The following ZNF429 variants were observed in gnomAD, a reference collection of about 807,000 sequenced individuals.
ZNF429 encodes the protein zinc finger protein 429.
ZNF429 carries 53 observed loss-of-function variants against 56.8 expected under a neutral mutation model. The observed-to-expected ratio is 0.93, with a 90% confidence interval of 0.75 to 1.17. The LOEUF (loss-of-function observed/expected upper bound fraction) is 1.17. ZNF429 is among the 50% of genes most tolerant of loss of function. The probability of loss-of-function intolerance (pLI) is 0.00; values close to 1 mark genes in which losing one functional copy is unlikely to be tolerated. For synonymous variants in ZNF429, 278 were observed against 264.7 expected (o/e 1.05, Z -0.49); for missense variants, 849 against 788.4 (o/e 1.08, Z -0.92).
In ZNF429 at chr19:21,537,573, A is replaced by G. The variant is rs1440001237; in HGVS notation, c.1520A>G (p.Lys507Arg). The part of the protein sequence containing the change: ...NSHKKIHSGE[K>R]PYKCEECGKA... The stretch of plus-strand genomic sequence containing the variant: ...CATAAAAAAATTCATAGTGGAGAGA[A>G]ACCCTACAAATGTGAAGAATGTGGC... The change falls in exon 4 of 4, where the codon AAA becomes AGA. Residue 507 changes from lysine to arginine, a missense_variant. By Grantham distance (26) the Lys-to-Arg change is conservative. Transcript: ENST00000358491. The G allele has an allele frequency of 1.2e-6, 2 of 1,613,646 alleles. No individual in the cohort carries two copies. The highest frequency in any genetic ancestry group is 3.3e-5 in the Admixed American group (2 of 60,000).
At chr19:21,526,041 G>A (rs1190483864) in intron 1 of ZNF429, among the ~76,000 whole-genome samples, 6 of 27,298 alleles carry the variant, frequency 2.2e-4, no homozygotes. Flanking sequence ...ATTAGTACCT[G>A]TGCATATGCT....
intron 1 of ZNF429, among the ~76,000 whole-genome samples, chr19:21,525,416 CATAGAGAACAGA>C (rs989455982): frequency 2.0e-5 from 3 of 152,184 alleles, no homozygotes; most frequent in Non-Finnish European, 4.4e-5. Flanking sequence ...CCCCCACTGG[CATAGAGAACAGA>C]ATTCTACACA....
At chr19:21,530,728 CA>C in intron 3 of ZNF429, 44 bp downstream of exon 3, 1 of 1,397,600 alleles carries the variant, frequency 7.2e-7, no homozygotes, top group Non-Finnish European at 9.9e-7. Flanking sequence ...TGAGAGGTCC[CA>C]AGGCCAATAA....
In ZNF429 at chr19:21,531,420, A is replaced by G; in HGVS notation, c.226+736A>G. 3.3e-5 allele frequency among the ~76,000 whole-genome samples: 5 copies of G among 152,320 alleles called. 1 individual carries two copies. In the South Asian group the frequency reaches 1.0e-3, roughly 32 times the overall value. On this transcript the variant is annotated intron_variant, in intron 3 of 3. Coordinates refer to ENST00000358491, the MANE Select transcript of ZNF429 (RefSeq NM_001001415.4). ...GAGGTGTCTGCTTCTTCACATTCAC[A>G]GACACCAATGCAAAACTGTATTGTA...
At chr19:21,510,107 C>T (rs2032379176) in intron 1 of ZNF429, among the ~76,000 whole-genome samples, 1 of 152,010 alleles carries the variant, frequency 6.6e-6, no homozygotes, top group East Asian at 1.9e-4. Flanking sequence ...CGGGGTTTCA[C>T]CATGTTGGCC....
chr19:21,537,456 T>G lies in ZNF429; in HGVS notation c.1403T>G (p.Leu468Arg), dbSNP rs2033744627. ...CGKAFNRSSH[L>R]TSHRRIHTGE... ...AAAGCTTTTAACCGGTCCTCACACC[T>G]TACTAGCCATAGGAGAATTCATACT... is the stretch of plus-strand genomic sequence containing the variant. The change falls in exon 4 of 4, where the codon CTT (leucine) becomes CGT (arginine). Residue 468 changes from leucine to arginine, a missense_variant. Physicochemically the swap from Leu to Arg is moderately radical, Grantham distance 102. Transcript: ENST00000358491. The G allele has an allele frequency of 2.5e-6, 4 of 1,613,752 alleles. No homozygotes were observed. The highest frequency in any genetic ancestry group is 8.5e-7 in the Non-Finnish European group (1 of 1,179,908).
intron 2 of ZNF429, among the ~76,000 whole-genome samples, chr19:21,530,206 A>AT: frequency 8.6e-5 from 13 of 151,956 alleles, no homozygotes; most frequent in African/African-American, 3.1e-4. Context: ...AAAAAAAAAA[A>AT]AAGTTTGGGG....
rs1228783579 is a variant in ZNF429, at chr19:21,540,592, G to T, written c.*2514G>T. ...TTATTTTAAAGTGTACAATTAAATT[G>T]CTATTGACTGCATGGTTATCTTTGT... On this transcript the variant is annotated 3_prime_UTR_variant, in exon 4 of 4. Coordinates refer to ENST00000358491, the MANE Select transcript of ZNF429 (RefSeq NM_001001415.4). 2.6e-5 allele frequency among the ~76,000 whole-genome samples: 4 copies of T among 151,900 alleles called. No individual in the cohort carries two copies. In the East Asian group the frequency reaches 7.7e-4, roughly 29 times the overall value.
At position 21,539,583 on chromosome 19, in the gene ZNF429, G is replaced by A. The variant is rs2033849708; in HGVS notation, c.*1505G>A. 1.4e-5 allele frequency among the ~76,000 whole-genome samples: 2 copies of A among 141,970 alleles called. No homozygotes were observed. Among genetic ancestry groups the A allele is most frequent in the Non-Finnish European group, 3.1e-5 (2 of 65,264 alleles). The allele number at this position is 141,970 out of a possible 152,430, so 93.1% of individuals were successfully genotyped here. A position where few individuals can be genotyped will look rare whatever the true frequency, so the allele number is the denominator to read the frequency against. On this transcript the variant is annotated 3_prime_UTR_variant, in exon 4 of 4. Transcript: ENST00000358491. ...AATACAGGCATACACCAGCATGTCTGGCTATTTTTTTTTTTTTTTGTATTT... is the reference window on the plus strand; with the variant it reads ...AATACAGGCATACACCAGCATGTCTAGCTATTTTTTTTTTTTTTTGTATTT...
In ZNF429 at chr19:21,505,778, A is replaced by G. The variant is rs201745214; in HGVS notation, c.3+4A>G. On this transcript the variant is annotated splice_donor_region_variant and intron_variant, in intron 1 of 3. Transcript: ENST00000358491. The stretch of plus-strand genomic sequence containing the variant: ...ACCCCCTGGAAGCCTAGAAATGGTG[A>G]GAGTGCCGAGTCTGACATCCCCAGA... 1.9e-6 allele frequency: 3 copies of G among 1,611,188 alleles called. No individual in the cohort carries two copies. Among genetic ancestry groups the G allele is most frequent in the Non-Finnish European group, 2.5e-6 (3 of 1,178,230 alleles).
rs535932722 is a variant in ZNF429 at position 21,537,530 on chromosome 19, T to G, written c.1477T>G (p.Ser493Ala). The G allele has an allele frequency of 5.0e-6, 8 of 1,613,568 alleles. No homozygotes were observed. In the African/African-American group the frequency reaches 1.1e-4, roughly 22 times the overall value. Residue 493 changes from serine (S) to alanine (A), a missense_variant, in exon 4 of 4, where the codon TCC (serine) becomes GCC (alanine). By Grantham distance (99) the Ser-to-Ala change is moderately conservative (BLOSUM62 1). Coordinates refer to ENST00000358491, the MANE Select transcript of ZNF429 (RefSeq NM_001001415.4). ...AGAATGTGGCAAAGCCTTTAAGCAG[T>G]CCTCAAACCTTAACAGTCATAAAAA... is the stretch of plus-strand genomic sequence containing the variant. ...CEECGKAFKQ[S>A]SNLNSHKKIH...
At chr19:21,509,158 A>C (rs2032330255) in intron 1 of ZNF429, among the ~76,000 whole-genome samples, 1 of 151,800 alleles carries the variant, frequency 6.6e-6, no homozygotes, top group Admixed American at 6.6e-5. Context: ...ACAGGCGCAC[A>C]CTGTCGCGCC....
At chr19:21,531,110 A>AAAAAAAACAAAAC in intron 3 of ZNF429, among the ~76,000 whole-genome samples, 10 of 93,932 alleles carry the variant, frequency 1.1e-4, no homozygotes, top group African/African-American at 4.6e-4. Context: ...CCATCTCAAA[A>AAAAAAAACAAAAC]AAAAAAAAAA....
chr19:21,539,631 A>G lies in ZNF429; in HGVS notation c.*1553A>G, dbSNP rs1042194169. 2.0e-5 allele frequency among the ~76,000 whole-genome samples: 3 copies of G among 147,708 alleles called. No homozygotes were observed. The highest frequency in any genetic ancestry group is 4.2e-4 in the South Asian group (2 of 4,708). ...TTTTTAGTAGAGATGAGATTTCACC[A>G]TTTTGTCCAGGGTGGTCTCAAACTC... On this transcript the variant is annotated 3_prime_UTR_variant, in exon 4 of 4. Transcript: ENST00000358491.
chr19:21,537,756 A>G lies in ZNF429; in HGVS notation c.1703A>G (p.Lys568Arg), dbSNP rs775015529. 2 of 1,613,966 alleles carry G rather than the reference A, an allele frequency of 1.2e-6. No individual in the cohort carries two copies. The highest frequency in any genetic ancestry group is 2.7e-5 in the African/African-American group (2 of 74,974). Reference protein sequence around the residue: ...IHTGEKPYKCKQCDKAFTHSS... With the variant: ...IHTGEKPYKCRQCDKAFTHSS... ...ACTGGAGAGAAACCCTACAAATGTAAACAATGTGACAAAGCTTTTACCCAC... is the reference window on the plus strand; with the variant it reads ...ACTGGAGAGAAACCCTACAAATGTAGACAATGTGACAAAGCTTTTACCCAC... Residue 568 changes from lysine to arginine, a missense_variant, in exon 4 of 4, where the codon AAA (lysine) becomes AGA (arginine). Physicochemically the swap from Lys to Arg is conservative, Grantham distance 26 (BLOSUM62 2). Transcript: ENST00000358491.
chr19:21,537,219 A>AAATTCAT lies in ZNF429; in HGVS notation c.1168_1174dup (p.Thr392AsnfsTer11). The stretch of plus-strand genomic sequence containing the variant: ...TCTTCAAGACTTACTCGACATAAAA[A>AAATTCAT]AATTCATACTGGAGAGGAACCCTAC... On this transcript the variant is annotated frameshift_variant, in exon 4 of 4. Coordinates refer to ENST00000358491, the MANE Select transcript of ZNF429 (RefSeq NM_001001415.4). LOFTEE classifies it high-confidence loss of function. The AAATTCAT allele has an allele frequency of 1.2e-6, 2 of 1,613,180 alleles. No individual in the cohort carries two copies. The highest frequency in any genetic ancestry group is 8.5e-7 in the Non-Finnish European group (1 of 1,179,758).
intron 1 of ZNF429, among the ~76,000 whole-genome samples, chr19:21,520,693 C>A (rs2032957082): frequency 6.6e-6 from 1 of 152,084 alleles, no homozygotes; most frequent in Non-Finnish European, 1.5e-5. Context: ...TACTAAGTTC[C>A]TTTGAGAGAA....
intron 1 of ZNF429, among the ~76,000 whole-genome samples, chr19:21,507,219 G>GC (rs1315246887): frequency 6.6e-6 from 1 of 151,882 alleles, no homozygotes; most frequent in Non-Finnish European, 1.5e-5. Flanking sequence ...CTACTCCCAC[G>GC]CCCCCCATTC....
chr19:21,530,756 C>T, intron 3 of ZNF429, 72 bp downstream of exon 3: 1 of 1,130,280 alleles, frequency 8.8e-7, no homozygotes, highest in East Asian at 2.5e-5. Flanking sequence ...CAGTCCTTAA[C>T]AATGTGATTT....
Sources: allele counts gnomAD v4.1 joint callset (sites outside exome capture counted in the v4.1 genomes callset), GRCh38; gene constraint gnomAD v4.1.1; transcripts MANE v1.5; gene names NCBI Gene and HGNC (gene_info 2026-07-23, HGNC 2026-07-21).